PPM1E: variants seen among roughly 807,000 people sequenced by gnomAD.
PPM1E encodes the protein protein phosphatase, Mg2+/Mn2+ dependent 1E.
In PPM1E, 20 loss-of-function variants were observed where a neutral mutation model predicts 65.9. The observed-to-expected ratio is 0.30, with a 90% CI of 0.21 to 0.44. PPM1E has a LOEUF of 0.44. Ranked by LOEUF, PPM1E falls within the 20% of genes least tolerant of loss-of-function variation. PPM1E has a pLI of 1.00. For synonymous variants in PPM1E, 352 were observed against 374.9 expected, an observed-to-expected ratio of 0.94 and a Z score of 0.70; for missense variants, 713 against 953.1, an observed-to-expected ratio of 0.75 and a Z score of 3.32.
intron 1 of PPM1E, among the ~76,000 whole-genome samples, chr17:58,846,406 G>A (rs1598607323): frequency 6.6e-6 from 1 of 152,072 alleles, no homozygotes; most frequent in Non-Finnish European, 1.5e-5. Context: ...ATCTCCTAAT[G>A]CTATCCCTCC....
chr17:58,891,260 C>T (rs987317251), intron 1 of PPM1E, among the ~76,000 whole-genome samples: 2 of 152,114 alleles, frequency 1.3e-5, no homozygotes, highest in Non-Finnish European at 1.5e-5. Context: ...GCCACTCGCA[C>T]CTGGTGAAAT....
At chr17:58,952,360 A>G (rs992698872) in intron 1 of PPM1E, among the ~76,000 whole-genome samples, 1 of 152,138 alleles carries the variant, frequency 6.6e-6, no homozygotes, top group Non-Finnish European at 1.5e-5. Context: ...TGGGACCTCC[A>G]GGCTGTTCCT....
intron 1 of PPM1E, 49 bp from the exon 2 acceptor site, chr17:58,955,600 A>T: frequency 6.3e-7 from 1 of 1,590,686 alleles, no homozygotes; most frequent in Non-Finnish European, 8.6e-7. Flanking sequence ...TAAATGTATT[A>T]CTTTCTAATT....
intron 1 of PPM1E, among the ~76,000 whole-genome samples, chr17:58,846,125 A>G (rs1266803306): frequency 6.6e-6 from 1 of 152,146 alleles, no homozygotes; most frequent in Non-Finnish European, 1.5e-5. Context: ...TACAAATGTT[A>G]TGATTATAAA....
At chr17:58,854,169 A>G (rs867813866) in intron 1 of PPM1E, among the ~76,000 whole-genome samples, 5 of 152,144 alleles carry the variant, frequency 3.3e-5, no homozygotes, top group African/African-American at 1.2e-4. Context: ...TGGTGCTACT[A>G]TAAATAGAAT....
At chr17:58,889,162 A>G (rs993849712) in intron 1 of PPM1E, among the ~76,000 whole-genome samples, 1 of 152,172 alleles carries the variant, frequency 6.6e-6, no homozygotes, top group African/African-American at 2.4e-5. Context: ...CCTTATACCA[A>G]CTTAACTGCT....
intron 1 of PPM1E, among the ~76,000 whole-genome samples, chr17:58,853,116 T>C (rs997810490): frequency 6.6e-6 from 1 of 152,190 alleles, no homozygotes; most frequent in Non-Finnish European, 1.5e-5. Flanking sequence ...AAAGTCCAGT[T>C]TGTCTATTTT....
intron 1 of PPM1E, chr17:58,785,474 A>ATATATG (rs1216940942): frequency 7.4e-6 from 1 of 135,526 alleles, no homozygotes; most frequent in East Asian, 2.2e-4. Flanking sequence ...ATATATATAT[A>ATATATG]TATATATATA....
chr17:58,981,026 GAAT>G lies in PPM1E; in HGVS notation c.2267_*1del, dbSNP rs2031328722. On this transcript the variant is annotated stop_lost and inframe_deletion, in exon 7 of 7. Coordinates refer to ENST00000308249, the MANE Select transcript of PPM1E (RefSeq NM_014906.5). ...AGATCTTCCTTGGAGCTATAAAATA[GAAT>G]AATTTTTCTTTCAAGTAGGTTAGCT... 6.3e-7 allele frequency: 1 copy of G among 1,580,354 alleles called. No individual in the cohort carries two copies. The highest frequency in any genetic ancestry group is 1.4e-5 in the African/African-American group (1 of 73,026).
intron 1 of PPM1E, among the ~76,000 whole-genome samples, chr17:58,900,122 T>G (rs1441041797): frequency 6.6e-6 from 1 of 151,530 alleles, no homozygotes; most frequent in Non-Finnish European, 1.5e-5. Flanking sequence ...GTAGATGATG[T>G]GAACATTGTT....
At chr17:58,941,600 G>A (rs1441977056) in intron 1 of PPM1E, among the ~76,000 whole-genome samples, 1 of 150,914 alleles carries the variant, frequency 6.6e-6, no homozygotes, top group Non-Finnish European at 1.5e-5. Context: ...GGCTGAGGCA[G>A]GAGAATTGCT....
Position 58,862,717 on chromosome 17 carries a change from G to A in PPM1E, c.465-92932G>A, listed in dbSNP as rs201494549. Among the ~76,000 whole-genome samples, 13 of 152,252 alleles carry A rather than the reference G, an allele frequency of 8.5e-5. No homozygotes were observed. In the East Asian group the frequency reaches 2.5e-3, roughly 29 times the overall value. On this transcript the variant is annotated intron_variant, in intron 1 of 6. Transcript: ENST00000308249. Reference sequence around the variant, plus strand: ...TATATACCAATCCACAGTTGGGGAAGGCCTCCAATAATACTGTTTTCCCCA... The same window carrying A: ...TATATACCAATCCACAGTTGGGGAAAGCCTCCAATAATACTGTTTTCCCCA...
chr17:58,905,000 G>A (rs1338500799), intron 1 of PPM1E, among the ~76,000 whole-genome samples: 1 of 151,642 alleles, frequency 6.6e-6, no homozygotes, highest in Non-Finnish European at 1.5e-5. Context: ...CTCCAGCCTG[G>A]GCAACAAGAG....
At chr17:58,967,515 T>C (rs868023070) in intron 3 of PPM1E, among the ~76,000 whole-genome samples, 1 of 149,018 alleles carries the variant, frequency 6.7e-6, no homozygotes, top group Non-Finnish European at 1.5e-5. Context: ...TATATATATA[T>C]ATATAGAGAG....
chr17:58,855,423 A>G (rs1355724965), intron 1 of PPM1E, among the ~76,000 whole-genome samples: 1 of 152,076 alleles, frequency 6.6e-6, no homozygotes, highest in African/African-American at 2.4e-5. Context: ...AAAGATAGAA[A>G]CCTAATCATA....
At chr17:58,863,396 C>T (rs1350743137) in intron 1 of PPM1E, among the ~76,000 whole-genome samples, 2 of 152,210 alleles carry the variant, frequency 1.3e-5, no homozygotes, top group Non-Finnish European at 2.9e-5. Flanking sequence ...GGCCACTTCT[C>T]TCCAGTGGGA....
intron 1 of PPM1E, among the ~76,000 whole-genome samples, chr17:58,874,475 G>T (rs533481171): frequency 1.3e-5 from 2 of 152,116 alleles, no homozygotes; most frequent in South Asian, 4.1e-4. Flanking sequence ...GAGATTTGAA[G>T]ATTCTAATAG....
chr17:58,952,784 C>A (rs1225654908), intron 1 of PPM1E, among the ~76,000 whole-genome samples: 1 of 152,200 alleles, frequency 6.6e-6, no homozygotes, highest in Non-Finnish European at 1.5e-5. Context: ...AGCGATTCTT[C>A]TGCCTCAGCC....
In PPM1E at chr17:58,980,415, A is replaced by G. The variant is rs1185916388; in HGVS notation, c.1652A>G (p.Asp551Gly). 6.2e-7 allele frequency: 1 copy of G among 1,614,040 alleles called. No individual in the cohort carries two copies. The highest frequency in any genetic ancestry group is 1.3e-5 in the African/African-American group (1 of 74,928). ...GATGGGCGTGTGGATTCATTCACTG[A>G]TAGAACTAGCCTGAGCCCAGGGTCC... ...GYDGRVDSFT[D>G]RTSLSPGSQI... Residue 551 changes from aspartate (D) to glycine (G), a missense_variant, in exon 7 of 7, where the codon GAT becomes GGT. By Grantham distance (94) the Asp-to-Gly change is moderately conservative. Around this residue, in one of 6 missense-constraint regions of PPM1E, gnomAD observed 286 missense variants for 313.8 expected, o/e 0.91. Transcript: ENST00000308249. This position sits in a 1 kb window ranked among gnomAD's most constrained non-coding sequence, Gnocchi z 4.7.
Sources: gnomAD v4.1 joint callset for allele counts (sites outside exome capture counted in the v4.1 genomes callset) on GRCh38, gnomAD v4.1.1 for gene constraint, gnomAD v4.1.1 regional missense constraint, Gnocchi (gnomAD v3.1) non-coding constraint, MANE v1.5 for transcripts, NCBI Gene and HGNC (gene_info 2026-07-23, HGNC 2026-07-21) for gene names.